The following SNX14 variants were observed in gnomAD, a reference collection of about 807,000 sequenced individuals.
SNX14 encodes sorting nexin 14.
In SNX14, 93 loss-of-function variants were observed where a neutral mutation model predicts 133.8. That is an observed-to-expected ratio of 0.70 (90% CI 0.59 to 0.83). The LOEUF is 0.83. Among genes scored for constraint, SNX14 ranks in the 40% least tolerant of loss-of-function variants. The pLI is 0.00. For missense variants in SNX14, 945 were observed against 1,094.9 expected, an observed-to-expected ratio of 0.86 and a Z score of 1.93; for synonymous variants, 368 against 365.6, an observed-to-expected ratio of 1.01 and a Z score of -0.07.
chr6:85,562,659 G>A (rs765550817), intron 6 of SNX14, among the ~76,000 whole-genome samples: 5 of 129,394 alleles, frequency 3.9e-5, no homozygotes, highest in Admixed American at 9.1e-5. Flanking sequence ...GTGTGATCTC[G>A]GCTCACTGTA....
chr6:85,571,247 C>T (rs1390796538), intron 4 of SNX14, among the ~76,000 whole-genome samples: 1 of 151,610 alleles, frequency 6.6e-6, no homozygotes, highest in Non-Finnish European at 1.5e-5. Context: ...GCAGTCCCAG[C>T]TACTCGGGAG....
In SNX14 at chr6:85,532,979, C is replaced by T. The variant is rs925432844; in HGVS notation, c.1810+620G>A. 3.9e-5 allele frequency among the ~76,000 whole-genome samples: 6 copies of T among 152,256 alleles called. No homozygotes were observed. In the East Asian group the frequency reaches 1.2e-3, roughly 29 times the overall value. On this transcript the variant is annotated intron_variant, in intron 18 of 28. Coordinates refer to ENST00000314673, the MANE Select transcript of SNX14 (RefSeq NM_153816.6). The stretch of plus-strand genomic sequence containing the variant: ...TCGACTCACTGCAACCTCCGCCTCC[C>T]AGGTTGAAGCGATCTTCATGCCTCA...
In SNX14 at chr6:85,540,530, G is replaced by A. The variant is rs572602666; in HGVS notation, c.1448+1455C>T. ...ATGATTTTTGTTAAATAACGTCTAA[G>A]TTTCACGGCTGTAACATAAATTTTT... On this transcript the variant is annotated intron_variant, in intron 15 of 28. Transcript: ENST00000314673. 5.8e-4 allele frequency among the ~76,000 whole-genome samples: 89 copies of A among 152,284 alleles called. 1 individual carries two copies. Among genetic ancestry groups the A allele is most frequent in the Non-Finnish European group, 1.1e-3 (76 of 68,018 alleles).
intron 6 of SNX14, among the ~76,000 whole-genome samples, chr6:85,563,185 G>A (rs2128157382): frequency 6.6e-6 from 1 of 152,062 alleles, no homozygotes; most frequent in Non-Finnish European, 1.5e-5. Context: ...TCACTTCTCA[G>A]ATAGGTATAG....
chr6:85,552,197 C>T (rs1788068357), intron 7 of SNX14, among the ~76,000 whole-genome samples: 3 of 151,270 alleles, frequency 2.0e-5, no homozygotes, highest in Non-Finnish European at 2.9e-5. Context: ...CCACTACACC[C>T]GGCTAATTTT....
Position 85,508,170 on chromosome 6 carries a change from G to A in SNX14, c.2654-111C>T, listed in dbSNP as rs1771403978. 4 of 1,456,452 alleles carry A rather than the reference G, an allele frequency of 2.7e-6. No individual in the cohort carries two copies. In the East Asian group the frequency reaches 7.6e-5, roughly 28 times the overall value. The allele number at this position is 1,456,452 out of a possible 1,614,324, so 90.2% of individuals were successfully genotyped here. On this transcript the variant is annotated intron_variant, in intron 26 of 28. Transcript: ENST00000314673. ...GTTTCCCAGATACTAGGCAAAAACT[G>A]CAAATCAATACTCCCCAAACCAGTG... is the stretch of plus-strand genomic sequence containing the variant.
rs554926369 is a variant in SNX14 at position 85,588,509 on chromosome 6, G to A, written c.140+5070C>T. Among the ~76,000 whole-genome samples, 115 of 152,226 alleles carry A rather than the reference G, an allele frequency of 7.6e-4. 2 individuals carry two copies. The highest frequency in any genetic ancestry group is 2.0e-3 in the African/African-American group (83 of 41,530). ...GGAGAATGGCATGAACCCGGGAGGC[G>A]GAGCTTGCAGTGAGCCAAGATAGCG... On this transcript the variant is annotated intron_variant, in intron 1 of 28. Transcript: ENST00000314673.
intron 21 of SNX14, among the ~76,000 whole-genome samples, chr6:85,521,177 T>C (rs1001876323): frequency 1.1e-4 from 16 of 152,324 alleles, no homozygotes; most frequent in African/African-American, 3.8e-4. Context: ...ATTAATAAAA[T>C]TAGGCACCTT....
intron 18 of SNX14, among the ~76,000 whole-genome samples, chr6:85,531,170 C>T (rs1248862699): frequency 1.3e-5 from 2 of 152,156 alleles, no homozygotes; most frequent in African/African-American, 2.4e-5. Context: ...TTGGGCAGCA[C>T]ATAGTAATGG....
chr6:85,579,960 G>C (rs553019554), intron 1 of SNX14, among the ~76,000 whole-genome samples: 1 of 152,118 alleles, frequency 6.6e-6, no homozygotes, highest in Non-Finnish European at 1.5e-5. Flanking sequence ...TCTATCTGGC[G>C]ATCTTGTTCT....
intron 7 of SNX14, among the ~76,000 whole-genome samples, chr6:85,554,159 A>C (rs1788819782): frequency 6.6e-6 from 1 of 152,108 alleles, no homozygotes; most frequent in South Asian, 2.1e-4. Flanking sequence ...ATCCATGATA[A>C]AGAGATATCT....
chr6:85,512,451 A>G (rs1773259079), intron 26 of SNX14, among the ~76,000 whole-genome samples: 1 of 152,070 alleles, frequency 6.6e-6, no homozygotes, highest in African/African-American at 2.4e-5. Context: ...GGGAAACCCC[A>G]TCTCCACTAA....
chr6:85,583,595 T>C (rs1799727316), intron 1 of SNX14, among the ~76,000 whole-genome samples: 1 of 152,174 alleles, frequency 6.6e-6, no homozygotes, highest in Non-Finnish European at 1.5e-5. Context: ...CAAGCATTAC[T>C]ATACACCAAT....
intron 2 of SNX14, among the ~76,000 whole-genome samples, chr6:85,572,934 G>A (rs951545538): frequency 9.2e-5 from 14 of 152,274 alleles, no homozygotes; most frequent in Admixed American, 6.5e-4. Context: ...ACTCTAGCCT[G>A]TGCAACTCTA....
chr6:85,553,843 T>C (rs1240025534), intron 7 of SNX14, among the ~76,000 whole-genome samples: 1 of 151,492 alleles, frequency 6.6e-6, no homozygotes, highest in Non-Finnish European at 1.5e-5. Flanking sequence ...AAAGTCATAA[T>C]GTAATATAGA....
At chr6:85,535,457 A>C (rs569030756) in intron 17 of SNX14, among the ~76,000 whole-genome samples, 16 of 151,890 alleles carry the variant, frequency 1.1e-4, no homozygotes, top group East Asian at 3.9e-4. Context: ...ACCAAAAAAA[A>C]CCACAAAAAT....
At chr6:85,556,031 T>G (rs1031320005) in intron 7 of SNX14, among the ~76,000 whole-genome samples, 8 of 151,942 alleles carry the variant, frequency 5.3e-5, no homozygotes, top group African/African-American at 1.7e-4. Flanking sequence ...AACTACAGAC[T>G]TTAGTTAATA....
chr6:85,537,286 G>A (rs1031169213), intron 16 of SNX14, among the ~76,000 whole-genome samples: 2 of 151,990 alleles, frequency 1.3e-5, no homozygotes, highest in East Asian at 3.8e-4. Context: ...ATTAAAAAAT[G>A]CTTAAGATCT....
At chr6:85,537,579 A>G (rs117221962) in intron 16 of SNX14, among the ~76,000 whole-genome samples, 2,159 of 152,332 alleles carry the variant, frequency 0.014, 28 homozygotes, top group Non-Finnish European at 0.022. Context: ...CAAATAAGCC[A>G]AAAGTAGCAA....
Sources: gnomAD v4.1 joint callset for allele counts (sites outside exome capture counted in the v4.1 genomes callset) on GRCh38, gnomAD v4.1.1 for gene constraint, MANE v1.5 for transcripts, NCBI Gene and HGNC (gene_info 2026-07-23, HGNC 2026-07-21) for gene names.